PCDHGA2: variants seen among roughly 807,000 people sequenced by gnomAD.
PCDHGA2 encodes the protein protocadherin gamma-A2.
In PCDHGA2, 40 loss-of-function variants were observed where a neutral mutation model predicts 59.2. The observed-to-expected ratio is 0.68, with a 90% confidence interval of 0.52 to 0.88. The LOEUF (loss-of-function observed/expected upper bound fraction) is 0.88. PCDHGA2 is among the 40% of genes least tolerant of loss of function. PCDHGA2 has a pLI of 0.00. For synonymous variants in PCDHGA2, 560 were observed against 526.0 expected (o/e 1.06, Z -0.89); for missense variants, 1,226 against 1,204.0 (o/e 1.02, Z -0.27).
intron 1 of PCDHGA2, chr5:141,361,519 G>A (rs1265098241): frequency 6.2e-7 from 1 of 1,614,024 alleles, no homozygotes; most frequent in East Asian, 2.2e-5. Flanking sequence ...GGTTCACGTG[G>A]CAGAGAACAA....
In PCDHGA2 at chr5:141,493,079, G is replaced by A. The variant is rs1299289839; in HGVS notation, c.2425-1728G>A. 6.6e-6 allele frequency among the ~76,000 whole-genome samples: 1 copy of A among 152,204 alleles called. No homozygotes were observed. Among genetic ancestry groups the A allele is most frequent in the East Asian group, 1.9e-4 (1 of 5,196 alleles). Reference sequence around the variant, plus strand: ...AAAAACACAAGTTTCTCCAACTCCAGGAGCTTTTATTCAAAATATATCAAT... The same window carrying A: ...AAAAACACAAGTTTCTCCAACTCCAAGAGCTTTTATTCAAAATATATCAAT... On this transcript the variant is annotated intron_variant, in intron 1 of 3. Transcript: ENST00000394576. The surrounding 1 kb of genome is among the most constrained non-coding windows in gnomAD (Gnocchi z 4.3).
chr5:141,418,864 A>T, intron 1 of PCDHGA2: 1 of 1,614,046 alleles, frequency 6.2e-7, no homozygotes, highest in Non-Finnish European at 8.5e-7. Context: ...AAGTAATTGT[A>T]GAAGTTGTAG....
In PCDHGA2 at chr5:141,488,647, T is replaced by TG. The variant is rs535492979; in HGVS notation, c.2425-6155dup. ...CTCACCTTAGCAGCATTCAGCAGGA[T>TG]GGGGGAGGGTGGGGGAATACATGGG... On this transcript the variant is annotated intron_variant, in intron 1 of 3. Transcript: ENST00000394576. Among the ~76,000 whole-genome samples, 173 of 152,088 alleles carry TG rather than the reference T, an allele frequency of 1.1e-3. 1 individual carries two copies. Among genetic ancestry groups the TG allele is most frequent in the African/African-American group, 3.9e-3 (160 of 41,492 alleles).
Position 141,376,615 on chromosome 5 carries a change from T to C in PCDHGA2, c.2424+35220T>C, listed in dbSNP as rs917883333. ...GGCTGTTATAGAAGCGAACCTCTTT[T>C]GGTACAGGAAGATTCGTGATTTTGT... On this transcript the variant is annotated intron_variant, in intron 1 of 3. Transcript: ENST00000394576. 24 of 1,439,268 alleles carry C rather than the reference T, an allele frequency of 1.7e-5. 1 individual carries two copies. In the Admixed American group the frequency reaches 2.3e-4, roughly 14 times the overall value. The allele number at this position is 1,439,268 out of a possible 1,614,324, so 89.2% of individuals were successfully genotyped here.
At chr5:141,364,703 G>C (rs1281129906) in intron 1 of PCDHGA2, 1 of 1,613,930 alleles carries the variant, frequency 6.2e-7, no homozygotes, top group East Asian at 2.2e-5. Context: ...AGAAATAATC[G>C]ATATTAATGA....
At chr5:141,395,234 T>C in intron 1 of PCDHGA2, 1 of 1,601,772 alleles carries the variant, frequency 6.2e-7, no homozygotes, top group Non-Finnish European at 8.5e-7. Flanking sequence ...CTGATCATGG[T>C]CAGGTGAGTT....
intron 1 of PCDHGA2, chr5:141,416,848 G>A (rs2154546681): frequency 1.3e-5 from 2 of 152,166 alleles, no homozygotes; most frequent in East Asian, 3.9e-4. Flanking sequence ...ATAATTCCAT[G>A]ATTTTTTTCA....
At chr5:141,365,587 T>A in intron 1 of PCDHGA2, 1 of 1,613,686 alleles carries the variant, frequency 6.2e-7, no homozygotes, top group Non-Finnish European at 8.5e-7. Context: ...CAGATTATAA[T>A]ATCACTTTAA....
At chr5:141,430,715 A>T in intron 1 of PCDHGA2, 1 of 1,483,384 alleles carries the variant, frequency 6.7e-7, no homozygotes, top group Non-Finnish European at 8.9e-7. Context: ...TCCTGACTTC[A>T]GTGGTTAAGG....
intron 1 of PCDHGA2, chr5:141,430,868 G>A (rs1414256124): frequency 6.3e-7 from 1 of 1,597,104 alleles, no homozygotes; most frequent in Admixed American, 1.8e-5. Context: ...TTCAGTTCCG[G>A]AAGAGCTGGA....
At chr5:141,384,558 G>C (rs1305876368) in intron 1 of PCDHGA2, 2 of 1,614,132 alleles carry the variant, frequency 1.2e-6, no homozygotes, top group African/African-American at 1.3e-5. Context: ...TGTTCGTGCT[G>C]GACCAGAATG....
chr5:141,365,581 T>C (rs751305003), intron 1 of PCDHGA2: 49 of 1,613,586 alleles, frequency 3.0e-5, no homozygotes, highest in Middle Eastern at 1.6e-4. Context: ...AGACTTCAGA[T>C]TATAATATCA....
intron 1 of PCDHGA2, chr5:141,417,622 G>T (rs1036510827): frequency 1.5e-6 from 1 of 668,534 alleles, no homozygotes; most frequent in Non-Finnish European, 2.4e-6. Flanking sequence ...TGCAGAGCAA[G>T]CGCTGACGCC....
chr5:141,365,691 A>C, intron 1 of PCDHGA2: 5 of 1,613,420 alleles, frequency 3.1e-6, no homozygotes, highest in Non-Finnish European at 4.2e-6. Context: ...AATTTCCCTC[A>C]AGCCTCCTAC....
intron 1 of PCDHGA2, among the ~76,000 whole-genome samples, chr5:141,475,520 C>T (rs2099364531): frequency 6.6e-6 from 1 of 152,204 alleles, no homozygotes; most frequent in Non-Finnish European, 1.5e-5. Context: ...CACGGAAATG[C>T]TAAATGCCTC....
Position 141,373,957 on chromosome 5 carries a change from C to A in PCDHGA2, c.2424+32562C>A, listed in dbSNP as rs114705983. ...CAGGAAAGCTGTGCAGAAATTCTGA[C>A]CTGAAACGCTTCGCATCCGGTCTCT... On this transcript the variant is annotated intron_variant, in intron 1 of 3. Coordinates refer to ENST00000394576, the MANE Select transcript of PCDHGA2 (RefSeq NM_018915.4). 3.8e-3 allele frequency: 3,425 copies of A among 890,772 alleles called. 11 individuals carry two copies. Among genetic ancestry groups the A allele is most frequent in the Non-Finnish European group, 4.4e-3 (2,783 of 626,468 alleles). The allele number at this position is 890,772 out of a possible 1,614,324, so 55.2% of individuals were successfully genotyped here.
chr5:141,374,218 A>C, intron 1 of PCDHGA2: 1 of 1,613,952 alleles, frequency 6.2e-7, no homozygotes, highest in Non-Finnish European at 8.5e-7. Flanking sequence ...GCTCCTTCGT[A>C]GGCAACATCG....
chr5:141,362,004 G>C (rs779926353), intron 1 of PCDHGA2: 4 of 1,604,470 alleles, frequency 2.5e-6, no homozygotes, highest in Non-Finnish European at 3.4e-6. Flanking sequence ...GGTTGCGCAC[G>C]GGTGAGGTGC....
chr5:141,364,209 C>G, intron 1 of PCDHGA2: 1 of 1,214,680 alleles, frequency 8.2e-7, no homozygotes, highest in East Asian at 2.6e-5. Flanking sequence ...CAGACAAGCT[C>G]CTACGAAAAG....
Sources: gnomAD v4.1 joint callset for allele counts (sites outside exome capture counted in the v4.1 genomes callset) on GRCh38, gnomAD v4.1.1 for gene constraint, Gnocchi (gnomAD v3.1) non-coding constraint, MANE v1.5 for transcripts, NCBI Gene and HGNC (gene_info 2026-07-23, HGNC 2026-07-21) for gene names.